The following GABRA4 variants were observed in gnomAD, a reference collection of about 807,000 sequenced individuals.
GABRA4 encodes gamma-aminobutyric acid receptor subunit alpha-4.
In GABRA4, 12 loss-of-function variants were observed where a neutral mutation model predicts 49.7. The observed-to-expected ratio is 0.24, with a 90% CI of 0.15 to 0.39. The LOEUF is 0.39. GABRA4 is among the 10% of genes least tolerant of loss of function. The probability of loss-of-function intolerance (pLI) is 1.00; values close to 1 mark genes in which losing one functional copy is unlikely to be tolerated. For missense variants in GABRA4, 506 were observed against 686.0 expected (o/e 0.74, Z 2.93); for synonymous variants, 288 against 240.2 (o/e 1.20, Z -1.84).
Position 46,925,737 on chromosome 4 carries a change from A to C in GABRA4, c.*2488T>G, listed in dbSNP as rs1265644937. On this transcript the variant is annotated 3_prime_UTR_variant, in exon 9 of 9. Coordinates refer to ENST00000264318, the MANE Select transcript of GABRA4 (RefSeq NM_000809.4). ...ACATATTATTATTATTATTATTATT[A>C]TTATTATTATTATTATTATTATCAT... 9.0e-6 allele frequency: 1 copy of C among 111,350 alleles called. No individual in the cohort carries two copies. The highest frequency in any genetic ancestry group is 2.0e-5 in the Non-Finnish European group (1 of 50,260). The allele number at this position is 111,350 out of a possible 1,614,324, so 6.9% of individuals were successfully genotyped here.
intron 8 of GABRA4, among the ~76,000 whole-genome samples, chr4:46,938,719 C>T (rs1415238951): frequency 6.6e-6 from 1 of 152,008 alleles, no homozygotes; most frequent in East Asian, 1.9e-4. Flanking sequence ...AGTTCAAGTT[C>T]CATGTTTCAT....
intron 8 of GABRA4, among the ~76,000 whole-genome samples, chr4:46,936,535 C>A (rs1421720970): frequency 6.6e-6 from 1 of 152,200 alleles, no homozygotes; most frequent in Non-Finnish European, 1.5e-5. Flanking sequence ...CAGGCATGAG[C>A]CACAGCACCT....
chr4:46,952,224 T>A (rs1330818372), intron 8 of GABRA4, among the ~76,000 whole-genome samples: 1 of 151,948 alleles, frequency 6.6e-6, no homozygotes, highest in Non-Finnish European at 1.5e-5. Context: ...AGGAATATAG[T>A]CTTACAGAAC....
Position 46,928,050 on chromosome 4 carries a change from G to T in GABRA4, c.*175C>A. ...AATAATTTTTCTGAAAAAAAACATA[G>T]TTCACTTTTTCACTCAGGAATTAAT... On this transcript the variant is annotated 3_prime_UTR_variant, in exon 9 of 9. Coordinates refer to ENST00000264318, the MANE Select transcript of GABRA4 (RefSeq NM_000809.4). The T allele has an allele frequency of 1.8e-6, 1 of 557,530 alleles. No homozygotes were observed. The highest frequency in any genetic ancestry group is 3.0e-6 in the Non-Finnish European group (1 of 334,686). 34.5% of individuals were successfully genotyped at this position (557,530 alleles called of 1,614,324 possible).
rs1258862562 is a variant in GABRA4 at position 46,920,496 on chromosome 4, A to G, written c.*7729T>C. 6.6e-6 allele frequency: 1 copy of G among 151,768 alleles called. No homozygotes were observed. Among genetic ancestry groups the G allele is most frequent in the Non-Finnish European group, 1.5e-5 (1 of 67,698 alleles). 9.4% of individuals were successfully genotyped at this position (151,768 alleles called of 1,614,324 possible). ...AAATATTTTATTAAAGAGATGATGT[A>G]TATGTATTAATATATGAAAAAATCC... is the stretch of plus-strand genomic sequence containing the variant. On this transcript the variant is annotated 3_prime_UTR_variant, in exon 9 of 9. Transcript: ENST00000264318.
chr4:46,980,046 C>A (rs934441554), intron 2 of GABRA4, among the ~76,000 whole-genome samples: 19 of 140,442 alleles, frequency 1.4e-4, no homozygotes. Context: ...GTTCTAACAT[C>A]TTCTAGTAAT....
intron 8 of GABRA4, among the ~76,000 whole-genome samples, chr4:46,929,833 G>C: frequency 6.6e-6 from 1 of 151,960 alleles, no homozygotes; most frequent in African/African-American, 2.4e-5. Context: ...TAGATGGTGA[G>C]TGAAAAAATG....
intron 8 of GABRA4, among the ~76,000 whole-genome samples, chr4:46,936,756 T>C (rs1721615808): frequency 6.6e-6 from 1 of 152,168 alleles, no homozygotes; most frequent in Admixed American, 6.5e-5. Context: ...TTTCTAAATA[T>C]ATTGGAATAT....
At chr4:46,955,571 T>C (rs553289519) in intron 8 of GABRA4, among the ~76,000 whole-genome samples, 4 of 152,114 alleles carry the variant, frequency 2.6e-5, no homozygotes, top group Non-Finnish European at 5.9e-5. Context: ...CACAGCATTT[T>C]TGTCACTATT....
rs1721101702 is a variant in GABRA4, at chr4:46,923,321, C to T, written c.*4904G>A. On this transcript the variant is annotated 3_prime_UTR_variant, in exon 9 of 9. Transcript: ENST00000264318. Reference sequence around the variant, plus strand: ...CAACAATTTCTTCAGTTTTACCCTCCAATTTTAATCTTATCTTGAGATAAA... The same window carrying T: ...CAACAATTTCTTCAGTTTTACCCTCTAATTTTAATCTTATCTTGAGATAAA... 1.3e-5 allele frequency: 2 copies of T among 151,204 alleles called. No individual in the cohort carries two copies. Among genetic ancestry groups the T allele is most frequent in the Non-Finnish European group, 3.0e-5 (2 of 67,726 alleles). The allele number at this position is 151,204 out of a possible 1,614,324, so 9.4% of individuals were successfully genotyped here.
chr4:46,934,168 C>T (rs1005583234), intron 8 of GABRA4, among the ~76,000 whole-genome samples: 6 of 151,996 alleles, frequency 3.9e-5, no homozygotes, highest in Non-Finnish European at 8.8e-5. Flanking sequence ...TAAAAACTAA[C>T]AAGACTGATA....
At position 46,992,911 on chromosome 4, in the gene GABRA4, T is replaced by C; in HGVS notation, c.122A>G (p.Glu41Gly). 1 of 1,612,132 alleles carries C rather than the reference T, an allele frequency of 6.2e-7. No homozygotes were observed. Among genetic ancestry groups the C allele is most frequent in the Non-Finnish European group, 8.5e-7 (1 of 1,179,362 alleles). ...NESPGQNQKE[E>G]KLCTENFTRI... ...GGTGAAATTTTCTGTGCACAATTTC[T>C]CCTCCTTTTGGTTCTGTCCTGGGGA... The change falls in exon 2 of 9, where the codon GAG becomes GGG. Residue 41 changes from glutamate (E) to glycine (G), a missense_variant. This residue lies in a region of GABRA4 where 195 missense variants were observed against 326.0 expected (regional missense o/e 0.60). Coordinates refer to ENST00000264318, the MANE Select transcript of GABRA4 (RefSeq NM_000809.4).
chr4:46,948,493 C>T (rs1560468228), intron 8 of GABRA4, among the ~76,000 whole-genome samples: 1 of 152,030 alleles, frequency 6.6e-6, no homozygotes, highest in East Asian at 1.9e-4. Context: ...TGATTGTGCT[C>T]ACTCTACTGT....
intron 8 of GABRA4, among the ~76,000 whole-genome samples, chr4:46,935,497 G>T (rs1472289682): frequency 6.6e-6 from 1 of 151,958 alleles, no homozygotes; most frequent in African/African-American, 2.4e-5. Flanking sequence ...AAATAATTAC[G>T]GGAAACAAAA....
At chr4:46,936,668 T>A (rs528093908) in intron 8 of GABRA4, among the ~76,000 whole-genome samples, 2 of 152,208 alleles carry the variant, frequency 1.3e-5, no homozygotes, top group Non-Finnish European at 2.9e-5. Context: ...AATATTCATA[T>A]GTCATTATGT....
chr4:46,927,306 T>C lies in GABRA4; in HGVS notation c.*919A>G, dbSNP rs1293346954. 6.6e-6 allele frequency: 1 copy of C among 152,520 alleles called. No individual in the cohort carries two copies. The highest frequency in any genetic ancestry group is 1.5e-5 in the Non-Finnish European group (1 of 67,966). 9.4% of individuals were successfully genotyped at this position (152,520 alleles called of 1,614,324 possible). ...GTGAACAAATATATTTGTTATCCAC[T>C]ATCAGTAGAGGCTGAAAAATATTTT... On this transcript the variant is annotated 3_prime_UTR_variant, in exon 9 of 9. Transcript: ENST00000264318.
At chr4:46,981,667 C>T (rs754890643) in intron 2 of GABRA4, among the ~76,000 whole-genome samples, 157 of 151,960 alleles carry the variant, frequency 1.0e-3, no homozygotes, top group Non-Finnish European at 1.8e-3. Context: ...AGCTAAGGTG[C>T]CATTAGGGCA....
At chr4:46,991,819 A>G (rs1324841341) in intron 2 of GABRA4, among the ~76,000 whole-genome samples, 5 of 152,248 alleles carry the variant, frequency 3.3e-5, no homozygotes, top group Admixed American at 3.3e-4. Context: ...TGCCTGGTAT[A>G]TGTGAACATT....
intron 8 of GABRA4, among the ~76,000 whole-genome samples, chr4:46,951,191 G>C (rs1722160698): frequency 6.6e-6 from 1 of 151,804 alleles, no homozygotes; most frequent in Non-Finnish European, 1.5e-5. Flanking sequence ...ACCTATATGT[G>C]ACCCTCAAAA....
Sources: allele counts gnomAD v4.1 joint callset (sites outside exome capture counted in the v4.1 genomes callset), GRCh38; gene constraint gnomAD v4.1.1; regional missense constraint gnomAD v4.1.1; transcripts MANE v1.5; gene names NCBI Gene and HGNC (gene_info 2026-07-23, HGNC 2026-07-21).